The following SCN10A variants were observed in gnomAD, a reference collection of about 807,000 sequenced individuals.
SCN10A encodes sodium voltage-gated channel alpha subunit 10.
Under a neutral mutation model 170.7 loss-of-function variants are expected in SCN10A, and 162 were observed. The observed-to-expected ratio is 0.95, with a 90% CI of 0.84 to 1.08. The LOEUF (loss-of-function observed/expected upper bound fraction) is 1.08, where lower values mean the gene tolerates loss of function less well. Among genes scored for constraint, SCN10A ranks in the 50% least tolerant of loss-of-function variants. SCN10A has a pLI of 0.00. For missense variants in SCN10A, 2,527 were observed against 2,436.9 expected (o/e 1.04, Z -0.78); for synonymous variants, 985 against 904.6 (o/e 1.09, Z -1.59).
At chr3:38,729,899 C>G (rs2063497584) in intron 15 of SCN10A, among the ~76,000 whole-genome samples, 1 of 152,198 alleles carries the variant, frequency 6.6e-6, no homozygotes, top group African/African-American at 2.4e-5. Flanking sequence ...TCCTGTTATA[C>G]AGTAAGTGCT....
At chr3:38,763,856 G>T (rs964021665) in intron 5 of SCN10A, among the ~76,000 whole-genome samples, 2 of 152,206 alleles carry the variant, frequency 1.3e-5, no homozygotes, top group Non-Finnish European at 2.9e-5. Flanking sequence ...ACAGGAGTTT[G>T]ACCAACCAGT....
chr3:38,755,800 G>A lies in SCN10A; in HGVS notation c.1449C>T (p.Asn483=), dbSNP rs780797534. 1 of 1,613,794 alleles carries A rather than the reference G, an allele frequency of 6.2e-7. No individual in the cohort carries two copies. The highest frequency in any genetic ancestry group is 1.3e-5 in the African/African-American group (1 of 75,014). Reference sequence around the variant, plus strand: ...CTGAGCCTCTTACCATCCTGCGCTGGTTGTAAGGATCAGAGCGGGGTGATT... The same window carrying A: ...CTGAGCCTCTTACCATCCTGCGCTGATTGTAAGGATCAGAGCGGGGTGATT... The part of the protein sequence containing the change: ...DNKSPRSDPY[N]QRRMSFLGLA... Residue 483 remains asparagine (N), a synonymous_variant, in exon 11 of 28, where the codon AAC becomes AAT. Coordinates refer to ENST00000449082, the MANE Select transcript of SCN10A (RefSeq NM_006514.4).
chr3:38,785,064 A>T (rs1192366164), intron 4 of SCN10A, among the ~76,000 whole-genome samples: 2 of 152,220 alleles, frequency 1.3e-5, no homozygotes, highest in Non-Finnish European at 2.9e-5. Flanking sequence ...TGCCCAAAGT[A>T]ATTTATAGAT....
At chr3:38,808,946 C>T (rs2064422704) in intron 1 of SCN10A, among the ~76,000 whole-genome samples, 3 of 152,142 alleles carry the variant, frequency 2.0e-5, no homozygotes, top group Admixed American at 6.5e-5. Context: ...TGATGTTGGA[C>T]GTGTTTTTGT....
chr3:38,728,305 A>G (rs948841470), intron 16 of SCN10A, among the ~76,000 whole-genome samples: 1 of 151,818 alleles, frequency 6.6e-6, no homozygotes, highest in East Asian at 1.9e-4. Flanking sequence ...ATGGTGGAGC[A>G]GAGATTCTAC....
intron 18 of SCN10A, among the ~76,000 whole-genome samples, chr3:38,724,147 C>T (rs910795154): frequency 3.3e-5 from 5 of 152,194 alleles, no homozygotes; most frequent in Admixed American, 6.5e-5. Context: ...CAGCCCTCAC[C>T]CAGTGGGAAC....
intron 1 of SCN10A, among the ~76,000 whole-genome samples, chr3:38,795,347 C>CTT (rs1219351048): frequency 1.2e-4 from 15 of 127,842 alleles, no homozygotes; most frequent in African/African-American, 4.2e-4. Flanking sequence ...TTTTCTTTTT[C>CTT]TTTTTTTTTT....
chr3:38,813,084 T>G (rs1438923391), intron 1 of SCN10A, among the ~76,000 whole-genome samples: 1 of 152,088 alleles, frequency 6.6e-6, no homozygotes, highest in Non-Finnish European at 1.5e-5. Context: ...CCTCCCTCAA[T>G]TCCCCTTTTT....
chr3:38,788,873 T>G, intron 4 of SCN10A, 83 bp downstream of exon 4: 1 of 836,852 alleles, frequency 1.2e-6, no homozygotes, highest in Non-Finnish European at 2.1e-6. Context: ...CATGGCAGGA[T>G]AAATAAAAGA....
At chr3:38,802,980 G>A (rs2064382681) in intron 1 of SCN10A, among the ~76,000 whole-genome samples, 1 of 152,146 alleles carries the variant, frequency 6.6e-6, no homozygotes, top group Non-Finnish European at 1.5e-5. Context: ...CCATCAAAAA[G>A]TGGGCAAAGG....
intron 5 of SCN10A, among the ~76,000 whole-genome samples, chr3:38,766,775 A>G (rs1272250492): frequency 6.6e-6 from 1 of 152,092 alleles, no homozygotes. Context: ...CTCTTTCTGC[A>G]TCTTTTGGAA....
intron 8 of SCN10A, among the ~76,000 whole-genome samples, chr3:38,757,998 T>A (rs1348905666): frequency 1.3e-5 from 2 of 152,214 alleles, no homozygotes; most frequent in African/African-American, 2.4e-5. Context: ...CAATGCCTCG[T>A]TTGAAGTCCA....
chr3:38,771,197 C>A, intron 5 of SCN10A, 82 bp downstream of exon 5: 4 of 1,501,160 alleles, frequency 2.7e-6, no homozygotes, highest in African/African-American at 1.4e-5. Context: ...CCAAGTGGGA[C>A]CTGCATGTTA....
intron 22 of SCN10A, among the ~76,000 whole-genome samples, chr3:38,712,833 C>A (rs2063290333): frequency 6.6e-6 from 1 of 152,076 alleles, no homozygotes; most frequent in Non-Finnish European, 1.5e-5. Flanking sequence ...TAAAGTATGC[C>A]GTGGTCAAGA....
chr3:38,781,608 C>A (rs890134826), intron 4 of SCN10A, among the ~76,000 whole-genome samples: 3 of 152,054 alleles, frequency 2.0e-5, no homozygotes, highest in Non-Finnish European at 2.9e-5. Context: ...CCATAACCAG[C>A]GGGATGCAGA....
chr3:38,733,662 C>T (rs1050516619), intron 15 of SCN10A, among the ~76,000 whole-genome samples: 2 of 151,940 alleles, frequency 1.3e-5, no homozygotes, highest in African/African-American at 2.4e-5. Context: ...ACTACAGACA[C>T]GTGCCATCAT....
intron 15 of SCN10A, among the ~76,000 whole-genome samples, chr3:38,733,729 T>C (rs1403633045): frequency 6.6e-6 from 1 of 152,130 alleles, no homozygotes; most frequent in East Asian, 1.9e-4. Context: ...TATTTATTTA[T>C]TTATTTTTGA....
chr3:38,767,355 C>G (rs1231990587), intron 5 of SCN10A, among the ~76,000 whole-genome samples: 1 of 151,678 alleles, frequency 6.6e-6, no homozygotes, highest in Non-Finnish European at 1.5e-5. Flanking sequence ...CTCTTTCATA[C>G]TTTTTGATGT....
At chr3:38,736,359 C>CACTGTG (rs1224815377) in intron 15 of SCN10A, among the ~76,000 whole-genome samples, 3,170 of 91,214 alleles carry the variant, frequency 0.035, 55 homozygotes, top group African/African-American at 0.061. Context: ...AATAGGGAAA[C>CACTGTG]TCTGTGTGTG....
Sources: allele counts gnomAD v4.1 joint callset (sites outside exome capture counted in the v4.1 genomes callset), GRCh38; gene constraint gnomAD v4.1.1; transcripts MANE v1.5; gene names NCBI Gene and HGNC (gene_info 2026-07-23, HGNC 2026-07-21).